Variants in CEP290 observed in about 807,000 individuals in gnomAD.
The protein encoded by CEP290 is centrosomal protein 290, also known as centrosomal protein of 290 kDa.
Under a neutral mutation model 344.9 loss-of-function variants are expected in CEP290, and 317 were observed. The ratio of observed to expected loss-of-function variants is 0.92; its 90% confidence interval spans 0.84 to 1.01. The LOEUF is 1.01. CEP290 is among the 50% of genes least tolerant of loss of function. The probability of loss-of-function intolerance (pLI) is 0.00; values close to 1 mark genes in which losing one functional copy is unlikely to be tolerated. For synonymous variants in CEP290, 932 were observed against 895.8 expected (o/e 1.04, Z -0.72); for missense variants, 2,754 against 2,761.4 (o/e 1.00, Z 0.06).
rs1204832311 is a variant in CEP290 at position 88,089,375 on chromosome 12, T to C, written c.3686A>G (p.Gln1229Arg). The C allele has an allele frequency of 2.5e-6, 4 of 1,613,926 alleles. No individual in the cohort carries two copies. Among genetic ancestry groups the C allele is most frequent in the East Asian group, 4.5e-5 (2 of 44,870 alleles). Residue 1229 changes from glutamine to arginine, a missense_variant, in exon 31 of 54, where the codon CAG becomes CGG. Transcript: ENST00000552810. Reference sequence around the variant, plus strand: ...GCGCAAGTTGTAGGCCTCCATCTTCTGCAGTTTAGATGTAATTGACTCCAA... The same window carrying C: ...GCGCAAGTTGTAGGCCTCCATCTTCCGCAGTTTAGATGTAATTGACTCCAA... ...GKLESITSKL[Q>R]KMEAYNLRLE...
rs771939468 is a variant in CEP290 at position 88,087,940 on chromosome 12, AT to A, written c.4033del (p.Ile1345SerfsTer5). ...TTCTTCTATTTTCATATGCCAGTTG[AT>A]TACCTAAGATTTACAATTTATATAC... is the stretch of plus-strand genomic sequence containing the variant. ...LKDTKGAQKV[I>X]NWHMKIEELR... On this transcript the variant is annotated frameshift_variant, in exon 32 of 54. Coordinates refer to ENST00000552810, the MANE Select transcript of CEP290 (RefSeq NM_025114.4). LOFTEE classifies it high-confidence loss of function. The A allele has an allele frequency of 8.8e-7, 1 of 1,138,834 alleles. No individual in the cohort carries two copies. The highest frequency in any genetic ancestry group is 1.1e-6 in the Non-Finnish European group (1 of 885,388). 70.5% of individuals were successfully genotyped at this position (1,138,834 alleles called of 1,614,324 possible).
At position 88,136,721 on chromosome 12, in the gene CEP290, T is replaced by C; in HGVS notation, c.363A>G (p.Glu121=). The C allele has an allele frequency of 2.5e-6, 4 of 1,613,788 alleles. No homozygotes were observed. Among genetic ancestry groups the C allele is most frequent in the Non-Finnish European group, 3.4e-6 (4 of 1,179,762 alleles). Residue 121 remains glutamate (E), a synonymous_variant, in exon 6 of 54, where the codon GAA becomes GAG. Transcript: ENST00000552810. ...CTCTATCTTTTTGTTCTAATTGTTTTTCAAGTTGGCAAATTTCATTACGTA... is the reference window on the plus strand; with the variant it reads ...CTCTATCTTTTTGTTCTAATTGTTTCTCAAGTTGGCAAATTTCATTACGTA... ...RFLRNEICQL[E]KQLEQKDREL...
intron 13 of CEP290, among the ~76,000 whole-genome samples, chr12:88,124,349 T>C: frequency 6.6e-6 from 1 of 152,138 alleles, no homozygotes; most frequent in African/African-American, 2.4e-5. Flanking sequence ...TTTGAACTTA[T>C]TCCCACTGCT....
chr12:88,115,221 C>A, intron 18 of CEP290, 39 bp from the exon 19 acceptor site: 5 of 1,017,538 alleles, frequency 4.9e-6, no homozygotes, highest in Non-Finnish European at 4.3e-6. Flanking sequence ...TTTTTTTCAA[C>A]AAAATATCAC....
intron 12 of CEP290, among the ~76,000 whole-genome samples, chr12:88,125,836 C>T (rs2039695993): frequency 1.3e-5 from 2 of 151,998 alleles, no homozygotes. Flanking sequence ...TGGACTATAA[C>T]TACAGCACAA....
chr12:88,127,009 G>C (rs960243686), intron 11 of CEP290, among the ~76,000 whole-genome samples: 1 of 151,988 alleles, frequency 6.6e-6, no homozygotes, highest in African/African-American at 2.4e-5. Flanking sequence ...TCTAAAAGCA[G>C]AAAAATAATA....
chr12:88,117,924 T>C (rs2039153750), intron 17 of CEP290, among the ~76,000 whole-genome samples: 1 of 151,908 alleles, frequency 6.6e-6, no homozygotes, highest in African/African-American at 2.4e-5. Flanking sequence ...TAGTCTCAAC[T>C]ACTCAGGAGG....
At position 88,086,388 on chromosome 12, in the gene CEP290, T is replaced by C; in HGVS notation, c.4302+3A>G. On this transcript the variant is annotated splice_donor_region_variant and intron_variant, in intron 33 of 53. Coordinates refer to ENST00000552810, the MANE Select transcript of CEP290 (RefSeq NM_025114.4). The stretch of plus-strand genomic sequence containing the variant: ...AGTAACAAACAAGATTAATCATTCA[T>C]ACCTTTTGTGCCGCATTTAGTATTT... The C allele has an allele frequency of 1.3e-6, 2 of 1,575,288 alleles. No individual in the cohort carries two copies. The highest frequency in any genetic ancestry group is 2.7e-5 in the African/African-American group (2 of 74,456).
rs886042359 is a variant in CEP290 at position 88,139,566 on chromosome 12, T to C, written c.181-2A>G. The C allele has an allele frequency of 1.2e-5, 19 of 1,565,488 alleles. No homozygotes were observed. The highest frequency in any genetic ancestry group is 1.6e-5 in the Non-Finnish European group (19 of 1,158,858). On this transcript the variant is annotated splice_acceptor_variant, in intron 3 of 53. Transcript: ENST00000552810. LOFTEE classifies it high-confidence loss of function. ...CAGCTCCACTTCTTGAGCTTTCATC[T>C]AAACATTAAAAAAAGGTTATTTCAA...
At chr12:88,068,405 T>A in intron 44 of CEP290, 117 bp downstream of exon 44, 1 of 603,236 alleles carries the variant, frequency 1.7e-6, no homozygotes, top group Non-Finnish European at 2.6e-6. Flanking sequence ...GAATTTACTG[T>A]ATTACTATTA....
intron 26 of CEP290, among the ~76,000 whole-genome samples, chr12:88,099,608 T>A (rs1170956807): frequency 6.6e-6 from 1 of 152,108 alleles, no homozygotes; most frequent in East Asian, 1.9e-4. Flanking sequence ...TGTCAGGTAT[T>A]AAGTGTTATG....
At chr12:88,124,742 T>C (rs1057453290) in intron 13 of CEP290, among the ~76,000 whole-genome samples, 17 of 152,116 alleles carry the variant, frequency 1.1e-4, no homozygotes, top group Non-Finnish European at 2.4e-4. Context: ...CTATAGTATG[T>C]AGTGCTATGG....
rs2033357475 is a variant in CEP290 at position 88,050,191 on chromosome 12, TATGTTAGGA to T, written c.7209+154_7209+162del. On this transcript the variant is annotated intron_variant, in intron 53 of 53. Coordinates refer to ENST00000552810, the MANE Select transcript of CEP290 (RefSeq NM_025114.4). The stretch of plus-strand genomic sequence containing the variant: ...AGTCTGAATTTTTTGTTAACTCTAA[TATGTTAGGA>T]ATAGTCAGATGAACATAATTAACTT... The T allele has an allele frequency of 9.9e-6, 5 of 506,360 alleles. 1 individual carries two copies. The highest frequency in any genetic ancestry group is 8.1e-5 in the African/African-American group (4 of 49,444). 31.4% of individuals were successfully genotyped at this position (506,360 alleles called of 1,614,324 possible).
In CEP290 at chr12:88,093,891, T is replaced by C; in HGVS notation, c.3188A>G (p.Glu1063Gly). ...CTGCCTTTCATTTAATTCCTTCATTTCCAGCATAGTTATTTTTTTTGAAAT... is the reference window on the plus strand; with the variant it reads ...CTGCCTTTCATTTAATTCCTTCATTCCCAGCATAGTTATTTTTTTTGAAAT... ...VSISKKITML[E>G]MKELNERQRA... The change falls in exon 28 of 54, where the codon GAA becomes GGA. Residue 1063 changes from glutamate to glycine, a missense_variant. Glu to Gly is a moderately conservative substitution (Grantham distance 98). Coordinates refer to ENST00000552810, the MANE Select transcript of CEP290 (RefSeq NM_025114.4). 1 of 1,613,006 alleles carries C rather than the reference T, an allele frequency of 6.2e-7. No homozygotes were observed. Among genetic ancestry groups the C allele is most frequent in the Non-Finnish European group, 8.5e-7 (1 of 1,179,384 alleles).
Position 88,089,384 on chromosome 12 carries a change from G to C in CEP290, c.3677C>G (p.Ser1226Cys). 6.2e-7 allele frequency: 1 copy of C among 1,613,720 alleles called. No homozygotes were observed. The highest frequency in any genetic ancestry group is 8.5e-7 in the Non-Finnish European group (1 of 1,179,790). Residue 1226 changes from serine to cysteine, a missense_variant, in exon 31 of 54, where the codon TCT becomes TGT. Ser to Cys is a moderately radical substitution (Grantham distance 112). Coordinates refer to ENST00000552810, the MANE Select transcript of CEP290 (RefSeq NM_025114.4). ...GTAGGCCTCCATCTTCTGCAGTTTA[G>C]ATGTAATTGACTCCAACTTACCAAG... is the stretch of plus-strand genomic sequence containing the variant. ...TALGKLESIT[S>C]KLQKMEAYNL...
intron 25 of CEP290, among the ~76,000 whole-genome samples, chr12:88,104,789 T>C (rs2038152503): frequency 6.6e-6 from 1 of 152,086 alleles, no homozygotes; most frequent in African/African-American, 2.4e-5. Flanking sequence ...TTAATATCAA[T>C]TCAAGTATTA....
chr12:88,097,262 CAT>C (rs2037498285), intron 26 of CEP290, among the ~76,000 whole-genome samples: 1 of 152,040 alleles, frequency 6.6e-6, no homozygotes, highest in Non-Finnish European at 1.5e-5. Context: ...CCATAATCCT[CAT>C]ATGTCATGGG....
At chr12:88,065,744 A>G (rs958294865) in intron 44 of CEP290, among the ~76,000 whole-genome samples, 1 of 152,178 alleles carries the variant, frequency 6.6e-6, no homozygotes, top group Non-Finnish European at 1.5e-5. Flanking sequence ...TCACATGAGG[A>G]TATTTTTAAC....
At chr12:88,080,510 A>G in intron 37 of CEP290, 115 bp from the exon 38 acceptor site, 1 of 677,298 alleles carries the variant, frequency 1.5e-6, no homozygotes, top group South Asian at 2.3e-5. Flanking sequence ...GCTGACTGCA[A>G]CCTCTGCCTC....
Sources: allele counts gnomAD v4.1 joint callset (sites outside exome capture counted in the v4.1 genomes callset), GRCh38; gene constraint gnomAD v4.1.1; transcripts MANE v1.5; gene names NCBI Gene and HGNC (gene_info 2026-07-23, HGNC 2026-07-21).